GXYLT1: variants seen among roughly 807,000 people sequenced by gnomAD.
GXYLT1 encodes the protein glucoside xylosyltransferase 1, also known as glycosyltransferase 8 domain containing 3.
GXYLT1 carries 29 observed loss-of-function variants against 54.0 expected under a neutral mutation model. The ratio of observed to expected loss-of-function variants is 0.54; its 90% CI spans 0.40 to 0.73. The LOEUF is 0.73. Among genes scored for constraint, GXYLT1 ranks in the 30% least tolerant of loss-of-function variants. GXYLT1 has a pLI of 0.00. For missense variants in GXYLT1, 490 were observed against 553.4 expected (o/e 0.89, Z 1.15); for synonymous variants, 176 against 204.1 (o/e 0.86, Z 1.17).
chr12:42,144,626 G>A lies in GXYLT1; in HGVS notation c.21C>T (p.Val7=), dbSNP rs779360753. 1.5e-5 allele frequency: 22 copies of A among 1,461,264 alleles called. 2 individuals are homozygous for A. The South Asian group carries it at 2.7e-4, about 18-fold the overall frequency. 90.5% of individuals were successfully genotyped at this position (1,461,264 alleles called of 1,614,324 possible). ...AGCCGCAGGCCACACACAGCACCAC[G>A]ACGCGCAGGTAGCGCCGCATCGCCC... MRRYLR[V]VVLCVACGFC... is the part of the protein sequence containing the mutation. The change falls in exon 1 of 8, where the codon GTC becomes GTT. Residue 7 remains valine (V), a synonymous_variant. Transcript: ENST00000398675.
rs537522560 is a variant in GXYLT1 at position 42,116,071 on chromosome 12, A to T, written c.486+2929T>A. ...ATAAATGGTGCTGGGAAAACTGGCTAGCCATACGTAGAAAGCTGAAACTGG... is the reference window on the plus strand; with the variant it reads ...ATAAATGGTGCTGGGAAAACTGGCTTGCCATACGTAGAAAGCTGAAACTGG... On this transcript the variant is annotated intron_variant, in intron 3 of 7. Coordinates refer to ENST00000398675, the MANE Select transcript of GXYLT1 (RefSeq NM_173601.2). 3.0e-3 allele frequency among the ~76,000 whole-genome samples: 456 copies of T among 152,232 alleles called. 1 individual carries two copies. Among genetic ancestry groups the T allele is most frequent in the African/African-American group, 0.011 (437 of 41,520 alleles).
Position 42,101,696 on chromosome 12 carries a change from C to T in GXYLT1, c.865-3663G>A, listed in dbSNP as rs142257806. 4.9e-3 allele frequency among the ~76,000 whole-genome samples: 745 copies of T among 151,860 alleles called. 3 individuals carry two copies. The highest frequency in any genetic ancestry group is 0.018 in the African/African-American group (725 of 41,308). On this transcript the variant is annotated intron_variant, in intron 5 of 7. Coordinates refer to ENST00000398675, the MANE Select transcript of GXYLT1 (RefSeq NM_173601.2). ...AAGTGATTCTCATGCCTCAGGCTCC[C>T]GAGTAGCTGGAATTACAGGCACCTG...
At chr12:42,109,452 C>T (rs3852592) in intron 4 of GXYLT1, 114 bp downstream of exon 4, 503,132 of 673,132 alleles carry the variant, frequency 0.75, 190,163 homozygotes, top group African/African-American at 0.95. Flanking sequence ...TTTCTATTTA[C>T]TAATTTAATT....
Position 42,120,351 on chromosome 12 carries a change from TG to T in GXYLT1, c.315-1181del, listed in dbSNP as rs554758861. On this transcript the variant is annotated intron_variant, in intron 2 of 7. Transcript: ENST00000398675. ...CCCATTTACCAAATATCTAGGAAGA[TG>T]TAAACACTTCTGAGATGGTCTAAAA... Among the ~76,000 whole-genome samples, 13 of 152,330 alleles carry T rather than the reference TG, an allele frequency of 8.5e-5. No individual in the cohort carries two copies. In the South Asian group the frequency reaches 2.1e-3, roughly 24 times the overall value.
intron 5 of GXYLT1, among the ~76,000 whole-genome samples, chr12:42,098,790 A>G (rs997540657): frequency 6.2e-5 from 4 of 64,096 alleles, no homozygotes; most frequent in Non-Finnish European, 6.2e-5. Flanking sequence ...TATATAATAC[A>G]TGTGTGTGTA....
Position 42,097,872 on chromosome 12 carries a change from A to AT in GXYLT1, c.988+37dup, listed in dbSNP as rs745495181. 20 of 1,465,302 alleles carry AT rather than the reference A, an allele frequency of 1.4e-5. No homozygotes were observed. The Middle Eastern group carries it at 5.2e-4, about 38-fold the overall frequency. 90.8% of individuals were successfully genotyped at this position (1,465,302 alleles called of 1,614,324 possible). A position where few individuals can be genotyped will look rare whatever the true frequency, so the allele number is the denominator to read the frequency against. On this transcript the variant is annotated intron_variant, in intron 6 of 7. Transcript: ENST00000398675. ...CCTTTTTCACTAAGTATTATCTGTG[A>AT]TTTTTTTAATGCAAATAAAAGGAAT...
At chr12:42,105,709 G>T in intron 5 of GXYLT1, 109 bp downstream of exon 5, 1 of 725,602 alleles carries the variant, frequency 1.4e-6, no homozygotes, top group South Asian at 2.1e-5. Context: ...ATTCTAAATA[G>T]AAAAATTATT....
At chr12:42,095,441 A>C (rs1335550897) in intron 7 of GXYLT1, among the ~76,000 whole-genome samples, 3 of 152,230 alleles carry the variant, frequency 2.0e-5, no homozygotes, top group Non-Finnish European at 4.4e-5. Flanking sequence ...TTTAAAAAAA[A>C]AAACTGAGGA....
At chr12:42,116,564 A>C (rs1592115950) in intron 3 of GXYLT1, among the ~76,000 whole-genome samples, 1 of 152,238 alleles carries the variant, frequency 6.6e-6, no homozygotes, top group Admixed American at 6.5e-5. Flanking sequence ...AATGCAAATC[A>C]AAACCACAAC....
intron 5 of GXYLT1, among the ~76,000 whole-genome samples, chr12:42,102,987 T>C (rs939245457): frequency 5.9e-5 from 9 of 152,098 alleles, no homozygotes; most frequent in African/African-American, 2.2e-4. Context: ...CTCACTCACA[T>C]TGTCACTCTG....
chr12:42,097,394 A>C (rs765534902), intron 7 of GXYLT1, 48 bp downstream of exon 7: 1 of 1,424,766 alleles, frequency 7.0e-7, no homozygotes, highest in Admixed American at 2.5e-5. Context: ...CATTAGCTTG[A>C]AAGTATTTTC....
At chr12:42,127,818 C>T (rs2136913807) in intron 2 of GXYLT1, among the ~76,000 whole-genome samples, 1 of 152,272 alleles carries the variant, frequency 6.6e-6, no homozygotes, top group Non-Finnish European at 1.5e-5. Context: ...CTTCAATTAT[C>T]CAAAAGTATA....
At chr12:42,139,774 T>A (rs942092638) in intron 1 of GXYLT1, among the ~76,000 whole-genome samples, 2 of 152,202 alleles carry the variant, frequency 1.3e-5, no homozygotes, top group Non-Finnish European at 2.9e-5. Flanking sequence ...ACTGGTTTTA[T>A]GTAAGATGTT....
At chr12:42,135,522 G>C (rs753806450) in intron 1 of GXYLT1, among the ~76,000 whole-genome samples, 6 of 152,136 alleles carry the variant, frequency 3.9e-5, no homozygotes, top group Admixed American at 6.5e-5. Context: ...TGAATGCTCA[G>C]AGCAGCATTA....
chr12:42,116,698 G>A (rs370130445), intron 3 of GXYLT1, among the ~76,000 whole-genome samples: 4 of 152,152 alleles, frequency 2.6e-5, no homozygotes, highest in Non-Finnish European at 4.4e-5. Context: ...AACTAGTTCA[G>A]CCATTGTGGA....
chr12:42,115,990 T>C (rs1239354745), intron 3 of GXYLT1, among the ~76,000 whole-genome samples: 1 of 151,098 alleles, frequency 6.6e-6, no homozygotes, highest in Non-Finnish European at 1.5e-5. Flanking sequence ...TCTATAACTA[T>C]CTGATCTTTG....
intron 1 of GXYLT1, among the ~76,000 whole-genome samples, chr12:42,131,038 A>G (rs1399233771): frequency 2.0e-5 from 3 of 152,240 alleles, no homozygotes; most frequent in African/African-American, 7.2e-5. Flanking sequence ...TAGTATCATT[A>G]TCTACATAAT....
chr12:42,102,285 T>A lies in GXYLT1; in HGVS notation c.864+3533A>T, dbSNP rs2065394770. Among the ~76,000 whole-genome samples the A allele has an allele frequency of 2.0e-5, 3 of 152,360 alleles. No individual in the cohort carries two copies. In the South Asian group the frequency reaches 6.2e-4, roughly 32 times the overall value. On this transcript the variant is annotated intron_variant, in intron 5 of 7. Coordinates refer to ENST00000398675, the MANE Select transcript of GXYLT1 (RefSeq NM_173601.2). The stretch of plus-strand genomic sequence containing the variant: ...GATTAGTTACTTCACTTTAAAAAGT[T>A]CTACCCCTTTGGCAAGATGTTCGTT...
chr12:42,113,694 C>A (rs1438261525), intron 3 of GXYLT1, among the ~76,000 whole-genome samples: 2 of 150,816 alleles, frequency 1.3e-5, no homozygotes, highest in Non-Finnish European at 2.9e-5. Context: ...ACTTTAACAC[C>A]CCACTGTCAA....
Sources: gnomAD v4.1 joint callset for allele counts (sites outside exome capture counted in the v4.1 genomes callset) on GRCh38, gnomAD v4.1.1 for gene constraint, MANE v1.5 for transcripts, NCBI Gene and HGNC (gene_info 2026-07-23, HGNC 2026-07-21) for gene names.